SYNE1: variants seen among roughly 807,000 people sequenced by gnomAD.
The protein encoded by SYNE1 is nesprin-1.
In SYNE1, 616 loss-of-function variants were observed where a neutral mutation model predicts 1,111.0. The observed-to-expected ratio is 0.55, with a 90% CI of 0.52 to 0.59. SYNE1 has a LOEUF of 0.59. Ranked by LOEUF, SYNE1 falls within the 20% of genes least tolerant of loss-of-function variation. The pLI is 0.00. For missense variants in SYNE1, 10,006 were observed against 10,417.0 expected (o/e 0.96, Z 1.72); for synonymous variants, 3,855 against 3,825.8 (o/e 1.01, Z -0.28).
rs2147377 is a variant in SYNE1 at position 152,219,143 on chromosome 6, A to C, written c.21904T>G (p.Phe7302Val). The C allele has an allele frequency of 0.99, 1,597,146 of 1,614,028 alleles. 790,225 individuals carry two copies. Among genetic ancestry groups the C allele is most frequent in the East Asian group, 1 (44,859 of 44,860 alleles). Residue 7302 changes from phenylalanine to valine, a missense_variant, in exon 120 of 146, where the codon TTT becomes GTT. Around this residue, in one of 7 missense-constraint regions of SYNE1, gnomAD observed 2,182 missense variants for 2,287.8 expected, o/e 0.95. Transcript: ENST00000367255. ...AGTTGCTCTCCCAGCTCATGGAGAA[A>C]AAAGAGGGAATCTTTAACTGTGCCC... is the stretch of plus-strand genomic sequence containing the variant. Reference protein sequence around the residue: ...GLGTVKDSLFFLHELGEQLKQ... With the variant: ...GLGTVKDSLFVLHELGEQLKQ...
chr6:152,405,856 A>G (rs1005486595), intron 45 of SYNE1, among the ~76,000 whole-genome samples: 9 of 152,196 alleles, frequency 5.9e-5, no homozygotes, highest in Non-Finnish European at 2.9e-5. Flanking sequence ...TCTTTGGATC[A>G]GAGACAAATA....
At position 152,337,032 on chromosome 6, in the gene SYNE1, GA is replaced by G; in HGVS notation, c.12352-16del. On this transcript the variant is annotated splice_polypyrimidine_tract_variant and intron_variant, in intron 75 of 145. Coordinates refer to ENST00000367255, the MANE Select transcript of SYNE1 (RefSeq NM_182961.4). ...TTTTGTTCAATCTTGAGAAAACACA[GA>G]GATAAAAGTTAGCAACCATACATGG... 1 of 1,611,524 alleles carries G rather than the reference GA, an allele frequency of 6.2e-7. No homozygotes were observed. The highest frequency in any genetic ancestry group is 2.2e-5 in the East Asian group (1 of 44,880).
At chr6:152,258,431 T>C (rs2091345732) in intron 101 of SYNE1, among the ~76,000 whole-genome samples, 1 of 152,218 alleles carries the variant, frequency 6.6e-6, no homozygotes, top group Non-Finnish European at 1.5e-5. Flanking sequence ...TTATAATGCA[T>C]ATATGTAGTT....
At chr6:152,294,567 CAGA>C (rs776452973) in intron 93 of SYNE1, among the ~76,000 whole-genome samples, 52 of 152,014 alleles carry the variant, frequency 3.4e-4, no homozygotes, top group South Asian at 8.3e-4. Context: ...ATTAAATCTA[CAGA>C]TGCAGCCAGA....
chr6:152,216,314 G>A (rs1422334684), intron 121 of SYNE1, among the ~76,000 whole-genome samples: 1 of 152,176 alleles, frequency 6.6e-6, no homozygotes, highest in Non-Finnish European at 1.5e-5. Context: ...GTAGTCAAAA[G>A]TGCAACAGTA....
intron 67 of SYNE1, among the ~76,000 whole-genome samples, chr6:152,354,181 G>A (rs1006687763): frequency 6.6e-6 from 1 of 152,092 alleles, no homozygotes; most frequent in Admixed American, 6.5e-5. Flanking sequence ...AAACAAAGTG[G>A]CATAATTTTT....
chr6:152,460,723 T>C (rs188911626), intron 21 of SYNE1, among the ~76,000 whole-genome samples: 12 of 150,214 alleles, frequency 8.0e-5, no homozygotes, highest in Non-Finnish European at 1.5e-4. Context: ...AATCACTGAA[T>C]AGACTAGAAA....
At chr6:152,336,645 C>A (rs77971808) in intron 76 of SYNE1, 196 bp downstream of exon 76, 1 of 692,614 alleles carries the variant, frequency 1.4e-6, no homozygotes, top group Admixed American at 2.1e-5. Context: ...TCCCACTGTG[C>A]GGCCAGGTTC....
Position 152,211,600 on chromosome 6 carries a change from A to G in SYNE1, c.22495-12T>C. ...TCGGCTTGAAACAACTATAATTTAA[A>G]AAAAAGAAGAACATACTTTAGAGTT... On this transcript the variant is annotated splice_polypyrimidine_tract_variant and intron_variant, in intron 123 of 145. Transcript: ENST00000367255. The G allele has an allele frequency of 1.9e-6, 3 of 1,607,724 alleles. No individual in the cohort carries two copies. The highest frequency in any genetic ancestry group is 2.6e-6 in the Non-Finnish European group (3 of 1,174,916).
chr6:152,601,996 T>C (rs1013652240), intron 3 of SYNE1, among the ~76,000 whole-genome samples: 2 of 152,100 alleles, frequency 1.3e-5, no homozygotes, highest in Non-Finnish European at 2.9e-5. Flanking sequence ...TTTGATCCAG[T>C]GCCTGTGCTC....
Position 152,399,685 on chromosome 6 carries a change from C to T in SYNE1, c.7168G>A (p.Glu2390Lys). Residue 2390 changes from glutamate to lysine, a missense_variant, in exon 48 of 146, where the codon GAA (glutamate) becomes AAA (lysine). Around this residue, in one of 7 missense-constraint regions of SYNE1, gnomAD observed 4,955 missense variants for 5,017.2 expected, o/e 0.99. Coordinates refer to ENST00000367255, the MANE Select transcript of SYNE1 (RefSeq NM_182961.4). ...RAMTGLIKKH[E>K]AVSQLCSKTQ... ...TTGGAGCACAACTGGCTCACGGCTTCATGTTTCTTTATCAGACCAGTCATT... is the reference window on the plus strand; with the variant it reads ...TTGGAGCACAACTGGCTCACGGCTTTATGTTTCTTTATCAGACCAGTCATT... The T allele has an allele frequency of 1.2e-6, 2 of 1,614,132 alleles. No homozygotes were observed. The highest frequency in any genetic ancestry group is 2.2e-5 in the East Asian group (1 of 44,880).
chr6:152,227,868 G>A (rs2081957679), intron 115 of SYNE1, among the ~76,000 whole-genome samples: 1 of 152,040 alleles, frequency 6.6e-6, no homozygotes, highest in Non-Finnish European at 1.5e-5. Flanking sequence ...AAATAAAGGT[G>A]TGTTTCCCTT....
chr6:152,165,010 A>G (rs571172037), intron 130 of SYNE1, among the ~76,000 whole-genome samples: 3 of 152,284 alleles, frequency 2.0e-5, no homozygotes, highest in Admixed American at 1.3e-4. Context: ...AAAGGCAGGG[A>G]TCTGCAATAG....
At chr6:152,630,637 A>G (rs2099696444) in intron 2 of SYNE1, among the ~76,000 whole-genome samples, 1 of 152,226 alleles carries the variant, frequency 6.6e-6, no homozygotes, top group African/African-American at 2.4e-5. Context: ...TCTGAAATCA[A>G]TCAATCAACC....
chr6:152,347,331 G>A, intron 72 of SYNE1, 96 bp from the exon 73 acceptor site: 4 of 1,412,114 alleles, frequency 2.8e-6, no homozygotes, highest in Non-Finnish European at 2.0e-6. Flanking sequence ...GTTTAATATT[G>A]TTTTTGAAAG....
At chr6:152,361,090 A>T (rs1303649906) in intron 64 of SYNE1, among the ~76,000 whole-genome samples, 1 of 152,206 alleles carries the variant, frequency 6.6e-6, no homozygotes, top group Non-Finnish European at 1.5e-5. Flanking sequence ...ATTCAGAAAG[A>T]TAAGTAGGAG....
Position 152,350,599 on chromosome 6 carries a change from G to A in SYNE1, c.11733+19C>T. ...TTTGGAAAATAAACCCTTTTACGGA[G>A]TCTTTCATCTCTCCTTACCTTTCCT... On this transcript the variant is annotated intron_variant, in intron 71 of 145. Transcript: ENST00000367255. 6.2e-7 allele frequency: 1 copy of A among 1,614,132 alleles called. No individual in the cohort carries two copies. The highest frequency in any genetic ancestry group is 8.5e-7 in the Non-Finnish European group (1 of 1,180,006).
rs1328394297 is a variant in SYNE1 at position 152,442,067 on chromosome 6, G to T, written c.4008+8C>A. On this transcript the variant is annotated splice_region_variant and intron_variant, in intron 31 of 145. Transcript: ENST00000367255. ...CTGTTTAAATGGCCCCTAACTTCCG[G>T]CTCCTACCTGGATGCGGCGTTCCTG... 1 of 1,613,974 alleles carries T rather than the reference G, an allele frequency of 6.2e-7. No homozygotes were observed. The highest frequency in any genetic ancestry group is 1.1e-5 in the South Asian group (1 of 91,072).
intron 2 of SYNE1, among the ~76,000 whole-genome samples, chr6:152,632,913 C>T (rs991492365): frequency 6.6e-5 from 10 of 152,112 alleles, no homozygotes; most frequent in African/African-American, 1.9e-4. Flanking sequence ...ATATGAGAGA[C>T]GGCCCTAAAA....
Sources: gnomAD v4.1 joint callset for allele counts (sites outside exome capture counted in the v4.1 genomes callset) on GRCh38, gnomAD v4.1.1 for gene constraint, gnomAD v4.1.1 regional missense constraint, MANE v1.5 for transcripts, NCBI Gene and HGNC (gene_info 2026-07-23, HGNC 2026-07-21) for gene names.